Variants in ATP2B3 observed in about 807,000 individuals in gnomAD.
ATP2B3 encodes the protein plasma membrane calcium-transporting ATPase 3.
Under a neutral mutation model 70.8 loss-of-function variants are expected in ATP2B3, and 12 were observed. That is an observed-to-expected ratio of 0.17 (90% confidence interval 0.11 to 0.27). The LOEUF (loss-of-function observed/expected upper bound fraction) is 0.27, where lower values mean the gene tolerates loss of function less well. Ranked by LOEUF, ATP2B3 falls within the 10% of genes least tolerant of loss-of-function variation. The pLI is 1.00. For missense variants in ATP2B3, 858 were observed against 1,118.5 expected, an observed-to-expected ratio of 0.77 and a Z score of 3.32; for synonymous variants, 460 against 497.8, an observed-to-expected ratio of 0.92 and a Z score of 1.01.
chrX:153,536,905 C>T (rs1470625057), intron 3 of ATP2B3, among the ~76,000 whole-genome samples: 5 of 112,136 alleles, frequency 4.5e-5, no homozygotes, highest in African/African-American at 6.5e-5. Context: ...ACCGGGGCCT[C>T]TCCTGGGAAG....
rs782748732 is a variant in ATP2B3, at chrX:153,556,163, G to C, written c.2173G>C (p.Gly725Arg). The C allele has an allele frequency of 5.0e-6, 6 of 1,211,851 alleles. No homozygotes were observed. The highest frequency in any genetic ancestry group is 1.8e-5 in the South Asian group (1 of 56,920). Residue 725 changes from glycine to arginine, a missense_variant, in exon 14 of 22, where the codon GGG (glycine) becomes CGG (arginine). Gly to Arg is a moderately radical substitution (Grantham distance 125). Around this residue, in one of 5 missense-constraint regions of ATP2B3, gnomAD observed 242 missense variants for 281.3 expected, o/e 0.86. Transcript: ENST00000263519. Reference sequence around the variant, plus strand: ...AGCCAAATGCGGCATCATCCAGCCCGGGGAGGACTTCCTGTGCCTAGAAGG... The same window carrying C: ...AGCCAAATGCGGCATCATCCAGCCCCGGGAGGACTTCCTGTGCCTAGAAGG... The part of the protein sequence containing the change: ...IAAKCGIIQP[G>R]EDFLCLEGKE...
chrX:153,544,678 C>T (rs1383567182), intron 7 of ATP2B3, among the ~76,000 whole-genome samples: 2 of 111,910 alleles, frequency 1.8e-5, no homozygotes, highest in South Asian at 3.7e-4. Flanking sequence ...GCCAGGTACA[C>T]GCTTAGGATA....
At chrX:153,532,187 G>C (rs1229657622) in intron 2 of ATP2B3, among the ~76,000 whole-genome samples, 1 of 112,623 alleles carries the variant, frequency 8.9e-6, no homozygotes, top group Non-Finnish European at 1.9e-5. Context: ...TGTCTGTCAA[G>C]AGCTGGCATG....
intron 2 of ATP2B3, among the ~76,000 whole-genome samples, chrX:153,522,993 G>T (rs1175827015): frequency 9.0e-6 from 1 of 111,179 alleles, no homozygotes; most frequent in Non-Finnish European, 1.9e-5. Context: ...CGAAAATGTA[G>T]TAAAGCCATC....
chrX:153,535,804 G>A (rs1454831244), intron 2 of ATP2B3, among the ~76,000 whole-genome samples: 1 of 112,733 alleles, frequency 8.9e-6, no homozygotes, highest in Admixed American at 9.3e-5. Context: ...TGGATCTGGG[G>A]GGCAGTGACA....
rs984524548 is a variant in ATP2B3, at chrX:153,573,096, G to T, written c.3343-6882G>T. Among the ~76,000 whole-genome samples the T allele has an allele frequency of 3.5e-5, 4 of 112,738 alleles. 1 individual carries two copies. The South Asian group carries it at 1.5e-3, about 41-fold the overall frequency. On this transcript the variant is annotated intron_variant, in intron 21 of 21. Transcript: ENST00000263519. ...TGCCTCCTGACCTGGCCCAGCAAAGGAGCAGGGGTTAGGCAGCAGGCCATG... is the reference window on the plus strand; with the variant it reads ...TGCCTCCTGACCTGGCCCAGCAAAGTAGCAGGGGTTAGGCAGCAGGCCATG...
rs1330630959 is a variant in ATP2B3 at position 153,517,804 on chromosome X, C to T, written c.-318C>T. ...TCCATCCTTGGAGCGGATCGTTGCC[C>T]GCCTGACGCCCGCCCGCAGCGACAG... On this transcript the variant is annotated 5_prime_UTR_variant, in exon 1 of 22. Coordinates refer to ENST00000263519, the MANE Select transcript of ATP2B3 (RefSeq NM_001001344.3). 2 of 109,718 alleles carry T rather than the reference C, an allele frequency of 1.8e-5. No homozygotes were observed. The highest frequency in any genetic ancestry group is 3.8e-5 in the Non-Finnish European group (2 of 52,022). The allele number at this position is 109,718 out of a possible 1,213,427, so 9.0% of individuals were successfully genotyped here. A position where few individuals can be genotyped will look rare whatever the true frequency, so the allele number is the denominator to read the frequency against.
At chrX:153,539,257 C>A (rs1163512612) in intron 3 of ATP2B3, among the ~76,000 whole-genome samples, 4 of 112,336 alleles carry the variant, frequency 3.6e-5, no homozygotes, top group African/African-American at 1.3e-4. Context: ...GAGCTGAGGT[C>A]GTGCGTTAAC....
At chrX:153,534,830 G>T (rs781889238) in intron 2 of ATP2B3, among the ~76,000 whole-genome samples, 1 of 113,262 alleles carries the variant, frequency 8.8e-6, no homozygotes, top group Non-Finnish European at 1.9e-5. Flanking sequence ...TGGATGTTTC[G>T]TGAAGTATCC....
rs1557011011 is a variant in ATP2B3, at chrX:153,550,297, A to G, written c.1823+11A>G. ...GATCCTCTTGAAAAAGTGAGTGAGCAGCAGGGAGGTGCCGGGGTACGCACG... is the reference window on the plus strand; with the variant it reads ...GATCCTCTTGAAAAAGTGAGTGAGCGGCAGGGAGGTGCCGGGGTACGCACG... On this transcript the variant is annotated intron_variant, in intron 12 of 21. Coordinates refer to ENST00000263519, the MANE Select transcript of ATP2B3 (RefSeq NM_001001344.3). 1 of 1,209,508 alleles carries G rather than the reference A, an allele frequency of 8.3e-7. No individual in the cohort carries two copies. The highest frequency in any genetic ancestry group is 3.0e-5 in the East Asian group (1 of 33,749).
chrX:153,551,608 G>A (rs1359443978), intron 12 of ATP2B3, among the ~76,000 whole-genome samples: 2 of 111,541 alleles, frequency 1.8e-5, no homozygotes, highest in South Asian at 7.4e-4. Context: ...GTTGCTTAGA[G>A]ATGATGAAAA....
At chrX:153,578,532 G>C (rs2090884004) in intron 21 of ATP2B3, among the ~76,000 whole-genome samples, 3 of 112,706 alleles carry the variant, frequency 2.7e-5, no homozygotes, top group Non-Finnish European at 5.6e-5. Flanking sequence ...GCAAGGACTT[G>C]AGTGCGTGAG....
chrX:153,523,976 G>A (rs782205566), intron 2 of ATP2B3, among the ~76,000 whole-genome samples: 3 of 111,694 alleles, frequency 2.7e-5, no homozygotes, highest in South Asian at 7.5e-4. Flanking sequence ...AATGAAAGGC[G>A]TTTATTGAAG....
chrX:153,580,546 A>C lies in ATP2B3; in HGVS notation c.*248A>C. The C allele has an allele frequency of 2.9e-6, 1 of 340,515 alleles. No individual in the cohort carries two copies. The highest frequency in any genetic ancestry group is 5.1e-6 in the Non-Finnish European group (1 of 196,165). 28.1% of individuals were successfully genotyped at this position (340,515 alleles called of 1,213,427 possible). ...GACAGGGAGGAGGAAAAGGAGGAAGAGGAGGACAAAAAGGGGGAGGAGAAG... is the reference window on the plus strand; with the variant it reads ...GACAGGGAGGAGGAAAAGGAGGAAGCGGAGGACAAAAAGGGGGAGGAGAAG... On this transcript the variant is annotated 3_prime_UTR_variant, in exon 22 of 22. Coordinates refer to ENST00000263519, the MANE Select transcript of ATP2B3 (RefSeq NM_001001344.3).
chrX:153,571,009 C>CACACGT (rs1180487184), intron 21 of ATP2B3, among the ~76,000 whole-genome samples: 1 of 102,928 alleles, frequency 9.7e-6, no homozygotes, highest in Non-Finnish European at 2.0e-5. Flanking sequence ...CGCGTACACA[C>CACACGT]ACACACACAC....
chrX:153,561,331 C>A (rs1488074880), intron 19 of ATP2B3, among the ~76,000 whole-genome samples: 1 of 112,281 alleles, frequency 8.9e-6, no homozygotes, highest in Non-Finnish European at 1.9e-5. Flanking sequence ...ACAGGCTGGT[C>A]AGCCCCACTG....
Position 153,558,172 on chromosome X carries a change from T to C in ATP2B3, c.2494T>C (p.Phe832Leu). Residue 832 changes from phenylalanine to leucine, a missense_variant, in exon 17 of 22, where the codon TTC becomes CTC. Physicochemically the swap from Phe to Leu is conservative, Grantham distance 22. Transcript: ENST00000263519. ...ASDIILTDDN[F>L]TSIVKAVMWG... Reference sequence around the variant, plus strand: ...CGACATCATCCTGACCGATGACAACTTCACCAGCATCGTCAAGGCAGTCAT... The same window carrying C: ...CGACATCATCCTGACCGATGACAACCTCACCAGCATCGTCAAGGCAGTCAT... The C allele has an allele frequency of 8.3e-7, 1 of 1,211,569 alleles. No individual in the cohort carries two copies.
intron 2 of ATP2B3, among the ~76,000 whole-genome samples, chrX:153,534,537 T>C (rs1334069160): frequency 5.3e-5 from 6 of 112,410 alleles, no homozygotes; most frequent in Non-Finnish European, 1.1e-4. Flanking sequence ...GGGCCTGCTG[T>C]TCTCCCTGTC....
chrX:153,563,136 CTT>C (rs36131654), intron 20 of ATP2B3, among the ~76,000 whole-genome samples: 19 of 48,805 alleles, frequency 3.9e-4, no homozygotes, highest in African/African-American at 1.3e-3. Context: ...CTGGCTTTTC[CTT>C]TTTTTTTTTT....
Sources: gnomAD v4.1 joint callset for allele counts (sites outside exome capture counted in the v4.1 genomes callset) on GRCh38, gnomAD v4.1.1 for gene constraint, gnomAD v4.1.1 regional missense constraint, MANE v1.5 for transcripts, NCBI Gene and HGNC (gene_info 2026-07-23, HGNC 2026-07-21) for gene names.